DUS4L: variants seen among roughly 807,000 people sequenced by gnomAD.
The protein encoded by DUS4L is tRNA-dihydrouridine(20a/20b) synthase [NAD(P)+]-like.
Under a neutral mutation model 33.8 loss-of-function variants are expected in DUS4L, and 31 were observed. The observed-to-expected ratio is 0.92, with a 90% CI of 0.69 to 1.24. The LOEUF (loss-of-function observed/expected upper bound fraction) is 1.24. DUS4L is among the 50% of genes most tolerant of loss of function. The pLI, the probability that DUS4L is intolerant of heterozygous loss-of-function variation, is 0.00. For synonymous variants in DUS4L, 103 were observed against 120.3 expected (o/e 0.86, Z 0.94); for missense variants, 368 against 388.6 (o/e 0.95, Z 0.45).
rs1225744241 is a variant in DUS4L, at chr7:107,577,454, T to G, written c.848T>G (p.Met283Arg). ...TACATGTGTTTCCATCAACATTTAATGTACATGATGGAAAAGATAACTTCA... is the reference window on the plus strand; with the variant it reads ...TACATGTGTTTCCATCAACATTTAAGGTACATGATGGAAAAGATAACTTCA... The part of the protein sequence containing the change: ...TPYMCFHQHL[M>R]YMMEKITSRQ... Residue 283 changes from methionine (M) to arginine (R), a missense_variant, in exon 8 of 8, where the codon ATG becomes AGG. Transcript: ENST00000265720. The G allele has an allele frequency of 6.2e-7, 1 of 1,614,160 alleles. No homozygotes were observed. Among genetic ancestry groups the G allele is most frequent in the South Asian group, 1.1e-5 (1 of 91,084 alleles).
chr7:107,576,444 T>C lies in DUS4L; in HGVS notation c.558T>C (p.His186=), dbSNP rs1287544605. ...CAGGAGTTTCATGGATTACAGTCCA[T>C]GGAAGAACTGCTGAAGAAAGACATC... ...EATGVSWITV[H]GRTAEERHQP... Residue 186 remains histidine, a synonymous_variant, in exon 7 of 8, where the codon CAT becomes CAC. Coordinates refer to ENST00000265720, the MANE Select transcript of DUS4L (RefSeq NM_181581.3). 8.1e-6 allele frequency: 13 copies of C among 1,612,894 alleles called. No homozygotes were observed. Among genetic ancestry groups the C allele is most frequent in the Non-Finnish European group, 1.1e-5 (13 of 1,179,770 alleles).
At position 107,577,722 on chromosome 7, in the gene DUS4L, C is replaced by G; in HGVS notation, c.*162C>G. On this transcript the variant is annotated 3_prime_UTR_variant, in exon 8 of 8. Coordinates refer to ENST00000265720, the MANE Select transcript of DUS4L (RefSeq NM_181581.3). ...GTTGTAGACACCACCCTCAGAGATT[C>G]TGATTAGGTAGATCTGGAGTAGACC... is the stretch of plus-strand genomic sequence containing the variant. 1.5e-6 allele frequency: 1 copy of G among 677,388 alleles called. No homozygotes were observed. Among genetic ancestry groups the G allele is most frequent in the African/African-American group, 1.8e-5 (1 of 55,548 alleles). The allele number at this position is 677,388 out of a possible 1,614,324, so 42.0% of individuals were successfully genotyped here. A position where few individuals can be genotyped will look rare whatever the true frequency, so the allele number is the denominator to read the frequency against.
intron 5 of DUS4L, 176 bp from the exon 6 acceptor site, chr7:107,575,012 T>G: frequency 1.3e-6 from 1 of 761,660 alleles, no homozygotes; most frequent in Admixed American, 3.3e-5. Context: ...TCTGGGAACA[T>G]GTTTTCCTAA....
Position 107,578,503 on chromosome 7 carries a change from A to C in DUS4L, c.*943A>C, listed in dbSNP as rs1317073575. The C allele has an allele frequency of 1.3e-5, 2 of 152,224 alleles. No individual in the cohort carries two copies. The highest frequency in any genetic ancestry group is 6.5e-5 in the Admixed American group (1 of 15,286). The allele number at this position is 152,224 out of a possible 1,614,324, so 9.4% of individuals were successfully genotyped here. ...GTTTAATTCACGTTTGGGAATATTGAATGAATCCATTTTAACATAAGCACT... is the reference window on the plus strand; with the variant it reads ...GTTTAATTCACGTTTGGGAATATTGCATGAATCCATTTTAACATAAGCACT... On this transcript the variant is annotated 3_prime_UTR_variant, in exon 8 of 8. Coordinates refer to ENST00000265720, the MANE Select transcript of DUS4L (RefSeq NM_181581.3).
At chr7:107,564,533 C>G (rs764647128) in intron 1 of DUS4L, 55 bp from the exon 2 acceptor site, 1 of 153,224 alleles carries the variant, frequency 6.5e-6, no homozygotes, top group Admixed American at 6.5e-5. Context: ...CTGTCTCTAC[C>G]CTCCTTCCTT....
rs1265327145 is a variant in DUS4L at position 107,563,974 on chromosome 7, C to T, written c.-346C>T. 4 of 1,573,662 alleles carry T rather than the reference C, an allele frequency of 2.5e-6. No homozygotes were observed. The highest frequency in any genetic ancestry group is 3.4e-6 in the Non-Finnish European group (4 of 1,160,164). On this transcript the variant is annotated 5_prime_UTR_variant, in exon 1 of 8. Coordinates refer to ENST00000265720, the MANE Select transcript of DUS4L (RefSeq NM_181581.3). The stretch of plus-strand genomic sequence containing the variant: ...GGTGACGCAGAATCCCGGCGCCGCC[C>T]GCCCACCCAGCCCATGGCTCCAGGC...
chr7:107,572,130 T>C (rs1195455853), intron 4 of DUS4L, among the ~76,000 whole-genome samples: 1 of 152,134 alleles, frequency 6.6e-6, no homozygotes, highest in Non-Finnish European at 1.5e-5. Context: ...TTTATATGCC[T>C]GTTTCTCCCA....
chr7:107,571,258 C>T lies in DUS4L; in HGVS notation c.230C>T (p.Thr77Ile), dbSNP rs201110775. The change falls in exon 4 of 8, where the codon ACA (threonine) becomes ATA (isoleucine). Residue 77 changes from threonine to isoleucine, a missense_variant. Coordinates refer to ENST00000265720, the MANE Select transcript of DUS4L (RefSeq NM_181581.3). ...SIKARDSEFT[T>I]NQGDCPLIVQ... The stretch of plus-strand genomic sequence containing the variant: ...AAAGCCAGAGACAGCGAATTTACCA[C>T]AAATCAAGGTATGTGAAACCGAGTG... 41 of 1,608,990 alleles carry T rather than the reference C, an allele frequency of 2.5e-5. No homozygotes were observed. In the African/African-American group the frequency reaches 5.1e-4, roughly 20 times the overall value.
chr7:107,565,818 C>T (rs1804619115), intron 2 of DUS4L, among the ~76,000 whole-genome samples: 1 of 152,156 alleles, frequency 6.6e-6, no homozygotes, highest in Non-Finnish European at 1.5e-5. Context: ...AGCCCAGTCC[C>T]CTGAAACCTA....
In DUS4L at chr7:107,569,474, C is replaced by G. The variant is rs375500210; in HGVS notation, c.117-1671C>G. 2.6e-5 allele frequency among the ~76,000 whole-genome samples: 4 copies of G among 152,212 alleles called. No homozygotes were observed. In the East Asian group the frequency reaches 7.7e-4, roughly 29 times the overall value. On this transcript the variant is annotated intron_variant, in intron 3 of 7. Transcript: ENST00000265720. ...GACCTTGTCTATCTCTGCAAAAAAC[C>G]CTGCTGGAATTTTCATAAGAACTGT... is the stretch of plus-strand genomic sequence containing the variant.
chr7:107,566,601 AAC>A (rs1388414703), intron 2 of DUS4L, among the ~76,000 whole-genome samples: 3 of 152,208 alleles, frequency 2.0e-5, no homozygotes, highest in African/African-American at 4.8e-5. Context: ...TATCTTTTGA[AAC>A]ACTGACTACT....
Position 107,575,349 on chromosome 7 carries a change from T to G in DUS4L, c.479+39T>G. 1.9e-6 allele frequency: 3 copies of G among 1,592,020 alleles called. No individual in the cohort carries two copies. In the South Asian group the frequency reaches 3.4e-5, roughly 18 times the overall value. ...TTCAATCTATTGATAGGATAATCCATTACTTAGGAAATGAAAGATTATTGC... is the reference window on the plus strand; with the variant it reads ...TTCAATCTATTGATAGGATAATCCAGTACTTAGGAAATGAAAGATTATTGC... On this transcript the variant is annotated intron_variant, in intron 6 of 7. Coordinates refer to ENST00000265720, the MANE Select transcript of DUS4L (RefSeq NM_181581.3).
intron 4 of DUS4L, among the ~76,000 whole-genome samples, chr7:107,572,947 TTC>T (rs1805392336): frequency 6.6e-6 from 1 of 152,116 alleles, no homozygotes; most frequent in Admixed American, 6.5e-5. Context: ...CAATACTAAT[TTC>T]TTTGTTTTAT....
Position 107,578,309 on chromosome 7 carries a change from G to C in DUS4L, c.*749G>C, listed in dbSNP as rs571203157. 4 of 151,952 alleles carry C rather than the reference G, an allele frequency of 2.6e-5. No individual in the cohort carries two copies. The highest frequency in any genetic ancestry group is 4.4e-5 in the Non-Finnish European group (3 of 67,988). The allele number at this position is 151,952 out of a possible 1,614,324, so 9.4% of individuals were successfully genotyped here. A position where few individuals can be genotyped will look rare whatever the true frequency, so the allele number is the denominator to read the frequency against. On this transcript the variant is annotated 3_prime_UTR_variant, in exon 8 of 8. Transcript: ENST00000265720. ...CTTTTGTGCCTCTCAGCCGTTGATT[G>C]TAACTTTAAAGTCCCATGGTTTTGG...
At chr7:107,576,639 G>C (rs1229410252) in intron 7 of DUS4L, 47 bp downstream of exon 7, 1 of 1,477,400 alleles carries the variant, frequency 6.8e-7, no homozygotes, top group Non-Finnish European at 9.2e-7. Flanking sequence ...GGGAAGAAAT[G>C]AGAGTGGGGA....
intron 3 of DUS4L, chr7:107,570,232 C>G (rs1232832776): frequency 6.6e-6 from 1 of 152,154 alleles, no homozygotes. Flanking sequence ...TCTGACAACA[C>G]TCCAGCAGGG....
In DUS4L at chr7:107,567,059, A is replaced by G. The variant is rs1224800154; in HGVS notation, c.-12A>G. The G allele has an allele frequency of 3.1e-6, 5 of 1,597,310 alleles. No individual in the cohort carries two copies. Among genetic ancestry groups the G allele is most frequent in the South Asian group, 2.2e-5 (2 of 89,290 alleles). ...TTATTGTCTTTTTCAGATTTGAAAC[A>G]TATCTGTATTAATGAAGAGTGACTG... On this transcript the variant is annotated 5_prime_UTR_variant, in exon 3 of 8. Coordinates refer to ENST00000265720, the MANE Select transcript of DUS4L (RefSeq NM_181581.3).
At chr7:107,569,324 A>C (rs1804990872) in intron 3 of DUS4L, among the ~76,000 whole-genome samples, 1 of 152,224 alleles carries the variant, frequency 6.6e-6, no homozygotes, top group African/African-American at 2.4e-5. Flanking sequence ...AATACCACAC[A>C]GTTTTACTAT....
intron 4 of DUS4L, among the ~76,000 whole-genome samples, chr7:107,571,815 A>G (rs988371174): frequency 4.6e-5 from 7 of 152,206 alleles, no homozygotes; most frequent in Non-Finnish European, 7.3e-5. Context: ...ACAGTTTTTC[A>G]TAATCTGACC....
Sources: gnomAD v4.1 joint callset for allele counts (sites outside exome capture counted in the v4.1 genomes callset) on GRCh38, gnomAD v4.1.1 for gene constraint, MANE v1.5 for transcripts, NCBI Gene and HGNC (gene_info 2026-07-23, HGNC 2026-07-21) for gene names.